The following PLAA variants were observed in gnomAD, a reference collection of about 807,000 sequenced individuals.
The protein encoded by PLAA is phospholipase A-2-activating protein.
Under a neutral mutation model 84.1 loss-of-function variants are expected in PLAA, and 48 were observed. The observed-to-expected ratio is 0.57, with a 90% CI of 0.45 to 0.73. The LOEUF is 0.73. PLAA is among the 30% of genes least tolerant of loss of function. PLAA has a pLI of 0.00. For missense variants in PLAA, 903 were observed against 954.7 expected, an observed-to-expected ratio of 0.95 and a Z score of 0.71; for synonymous variants, 392 against 336.6, an observed-to-expected ratio of 1.16 and a Z score of -1.80.
chr9:26,923,236 G>C lies in PLAA; in HGVS notation c.981C>G (p.Gly327=). The C allele has an allele frequency of 6.2e-7, 1 of 1,612,856 alleles. No individual in the cohort carries two copies. Among genetic ancestry groups the C allele is most frequent in the Admixed American group, 1.7e-5 (1 of 59,940 alleles). ...GCTCAGCATTGATGTCCCCTAAATC[G>C]CCAGTTTTAGAATCAATGGTTGCGT... The part of the protein sequence containing the change: ...LSHATIDSKT[G]DLGDINAEQL... The change falls in exon 7 of 14, where the codon GGC becomes GGG. Residue 327 remains glycine, a synonymous_variant. Coordinates refer to ENST00000397292, the MANE Select transcript of PLAA (RefSeq NM_001031689.3).
At chr9:26,926,033 T>C (rs1169168681) in intron 5 of PLAA, 73 bp from the exon 6 acceptor site, 14 of 1,243,608 alleles carry the variant, frequency 1.1e-5, no homozygotes, top group Non-Finnish European at 1.5e-5. Flanking sequence ...TCTTTCTAGA[T>C]ACACTGACTT....
At chr9:26,918,557 C>T (rs2131378180) in intron 9 of PLAA, among the ~76,000 whole-genome samples, 1 of 152,146 alleles carries the variant, frequency 6.6e-6, no homozygotes, top group Middle Eastern at 3.4e-3. Flanking sequence ...AAAGGTGGAT[C>T]TACATAAGGA....
intron 1 of PLAA, among the ~76,000 whole-genome samples, chr9:26,941,296 A>T (rs1825532055): frequency 6.6e-6 from 1 of 152,156 alleles, no homozygotes; most frequent in Non-Finnish European, 1.5e-5. Context: ...ATGGGGGGAC[A>T]TAAGGATAGT....
chr9:26,917,466 A>T (rs1030480173), intron 9 of PLAA, among the ~76,000 whole-genome samples: 25 of 152,236 alleles, frequency 1.6e-4, no homozygotes, highest in Non-Finnish European at 3.7e-4. Flanking sequence ...TCTGACCTAA[A>T]TATATAAACA....
intron 1 of PLAA, among the ~76,000 whole-genome samples, chr9:26,941,425 C>T (rs1194228933): frequency 6.6e-6 from 1 of 152,054 alleles, no homozygotes; most frequent in Non-Finnish European, 1.5e-5. Context: ...TATAATGGCC[C>T]TACCAGATAA....
chr9:26,922,092 G>A (rs978354622), intron 7 of PLAA, among the ~76,000 whole-genome samples: 2 of 152,152 alleles, frequency 1.3e-5, no homozygotes, highest in African/African-American at 4.8e-5. Flanking sequence ...AGTTTAGCCT[G>A]CAACTCAAAT....
At chr9:26,914,362 C>A (rs1824487648) in intron 10 of PLAA, among the ~76,000 whole-genome samples, 3 of 152,038 alleles carry the variant, frequency 2.0e-5, no homozygotes, top group African/African-American at 7.2e-5. Flanking sequence ...ATAGATAATA[C>A]TTGTGGCTGT....
rs761016995 is a variant in PLAA, at chr9:26,910,328, A to G, written c.1657+10T>C. 8 of 1,580,870 alleles carry G rather than the reference A, an allele frequency of 5.1e-6. No individual in the cohort carries two copies. The Admixed American group carries it at 1.0e-4, about 20-fold the overall frequency. On this transcript the variant is annotated intron_variant, in intron 12 of 13. Transcript: ENST00000397292. ...GTGAATATGTGAATAAATTAATTAA[A>G]GAAACTTACCTAATATTTGTGTAGG...
chr9:26,916,389 C>G, intron 10 of PLAA: 1 of 986,944 alleles, frequency 1.0e-6, no homozygotes, highest in Non-Finnish European at 1.2e-6. Context: ...CCTTAAAGTC[C>G]AACTCTGGCA....
intron 1 of PLAA, among the ~76,000 whole-genome samples, chr9:26,942,639 T>C (rs1416385627): frequency 2.0e-5 from 3 of 152,006 alleles, no homozygotes; most frequent in African/African-American, 7.2e-5. Context: ...TCCGAGCACT[T>C]TGGGAGGCCA....
At chr9:26,921,997 T>G (rs2131384369) in intron 7 of PLAA, among the ~76,000 whole-genome samples, 2 of 152,324 alleles carry the variant, frequency 1.3e-5, no homozygotes, top group South Asian at 4.1e-4. Flanking sequence ...TTTGTTCATT[T>G]TCAAAAAACG....
intron 13 of PLAA, among the ~76,000 whole-genome samples, chr9:26,906,952 A>ATT (rs1824257173): frequency 1.3e-5 from 2 of 151,854 alleles, no homozygotes; most frequent in Non-Finnish European, 2.9e-5. Flanking sequence ...ACACCTACTG[A>ATT]ACCAGAATCT....
At chr9:26,919,582 T>G (rs1050374131) in intron 8 of PLAA, 53 bp from the exon 9 acceptor site, 2 of 943,240 alleles carry the variant, frequency 2.1e-6, no homozygotes, top group African/African-American at 3.3e-5. Context: ...TTCACATATA[T>G]TAATGACATA....
At chr9:26,932,927 G>C (rs746551614) in intron 2 of PLAA, among the ~76,000 whole-genome samples, 23 of 152,250 alleles carry the variant, frequency 1.5e-4, no homozygotes, top group Non-Finnish European at 2.1e-4. Context: ...CTGAGGTCAA[G>C]AGTTCGAGAC....
At chr9:26,945,233 T>G (rs1163442230) in intron 1 of PLAA, among the ~76,000 whole-genome samples, 1 of 152,212 alleles carries the variant, frequency 6.6e-6, no homozygotes, top group Admixed American at 6.5e-5. Flanking sequence ...ACCACTCCAG[T>G]GATTAAACCC....
At chr9:26,930,451 C>T (rs1166669976) in intron 2 of PLAA, among the ~76,000 whole-genome samples, 1 of 152,104 alleles carries the variant, frequency 6.6e-6, no homozygotes, top group Non-Finnish European at 1.5e-5. Flanking sequence ...CCAACAACTA[C>T]TGAAGCATGT....
At chr9:26,925,750 C>A (rs1824929728) in intron 6 of PLAA, 75 bp downstream of exon 6, 4 of 1,334,996 alleles carry the variant, frequency 3.0e-6, no homozygotes, top group Admixed American at 2.0e-5. Flanking sequence ...TTCCTTATGG[C>A]TTATCTCTGT....
chr9:26,934,244 C>T (rs1031388024), intron 2 of PLAA, among the ~76,000 whole-genome samples: 1 of 152,146 alleles, frequency 6.6e-6, no homozygotes, highest in African/African-American at 2.4e-5. Flanking sequence ...TTAAGCCACA[C>T]AGAAATCCAG....
chr9:26,914,797 T>C (rs1824498921), intron 10 of PLAA, among the ~76,000 whole-genome samples: 1 of 152,194 alleles, frequency 6.6e-6, no homozygotes, highest in Non-Finnish European at 1.5e-5. Flanking sequence ...CTCACACTTT[T>C]CTAAATATGG....
Sources: allele counts gnomAD v4.1 joint callset (sites outside exome capture counted in the v4.1 genomes callset), GRCh38; gene constraint gnomAD v4.1.1; transcripts MANE v1.5; gene names NCBI Gene and HGNC (gene_info 2026-07-23, HGNC 2026-07-21).